Variants in QPRT observed in about 807,000 individuals in gnomAD.
The protein encoded by QPRT is nicotinate-nucleotide pyrophosphorylase [carboxylating].
In QPRT, 17 loss-of-function variants were observed where a neutral mutation model predicts 19.8. That is an observed-to-expected ratio of 0.86 (90% CI 0.59 to 1.29). QPRT has a LOEUF of 1.29. Among genes scored for constraint, QPRT ranks in the 50% most tolerant of loss-of-function variants. The pLI is 0.00. For missense variants in QPRT, 336 were observed against 405.1 expected (o/e 0.83, Z 1.46); for synonymous variants, 178 against 191.0 (o/e 0.93, Z 0.56).
At position 29,697,262 on chromosome 16, in the gene QPRT, G is replaced by T; in HGVS notation, c.745G>T (p.Gly249Trp). ...CCCGAGTGTGGCTGTGGAAGCCAGT[G>T]GGGGCATCACCCTGGACAACCTCCC... ...QFPSVAVEAS[G>W]GITLDNLPQF... Residue 249 changes from glycine to tryptophan, a missense_variant, in exon 4 of 4, where the codon GGG becomes TGG. Gly to Trp is a radical substitution (Grantham distance 184). Coordinates refer to ENST00000395384, the MANE Select transcript of QPRT (RefSeq NM_014298.6). This position sits in a 1 kb window ranked among gnomAD's most constrained non-coding sequence, Gnocchi z 4.4. 1 of 1,614,030 alleles carries T rather than the reference G, an allele frequency of 6.2e-7. No individual in the cohort carries two copies. The highest frequency in any genetic ancestry group is 8.5e-7 in the Non-Finnish European group (1 of 1,179,970).
rs557246365 is a variant in QPRT, at chr16:29,694,626, G to A, written c.14-38G>A. 14 of 1,508,824 alleles carry A rather than the reference G, an allele frequency of 9.3e-6. No individual in the cohort carries two copies. The East Asian group carries it at 1.8e-4, about 20-fold the overall frequency. The allele number at this position is 1,508,824 out of a possible 1,614,324, so 93.5% of individuals were successfully genotyped here. A position where few individuals can be genotyped will look rare whatever the true frequency, so the allele number is the denominator to read the frequency against. ...GACAGTGACCCCTGACAGCAGGAGA[G>A]GCAGCCAAACTCAACAGCTGTTCTC... On this transcript the variant is annotated intron_variant, in intron 1 of 3. Coordinates refer to ENST00000395384, the MANE Select transcript of QPRT (RefSeq NM_014298.6).
chr16:29,680,797 CGA>C (rs1054439307), intron 1 of QPRT, among the ~76,000 whole-genome samples: 1 of 152,012 alleles, frequency 6.6e-6, no homozygotes, highest in African/African-American at 2.4e-5. Context: ...AAAAATTAGC[CGA>C]GTGTGGTGGT....
At position 29,697,322 on chromosome 16, in the gene QPRT, A is replaced by G. The variant is rs748865404; in HGVS notation, c.805A>G (p.Met269Val). 2.5e-6 allele frequency: 4 copies of G among 1,614,120 alleles called. No individual in the cohort carries two copies. Among genetic ancestry groups the G allele is most frequent in the African/African-American group, 1.3e-5 (1 of 75,050 alleles). The change falls in exon 4 of 4, where the codon ATG becomes GTG. Residue 269 changes from methionine to valine, a missense_variant. Physicochemically the swap from Met to Val is conservative, Grantham distance 21. Coordinates refer to ENST00000395384, the MANE Select transcript of QPRT (RefSeq NM_014298.6). The surrounding 1 kb of genome is among the most constrained non-coding windows in gnomAD (Gnocchi z 4.4). ...FCGPHIDVIS[M>V]GMLTQAAPAL... ...CGGGCCGCACATAGACGTCATCTCC[A>G]TGGGGATGCTGACCCAGGCGGCCCC...
At chr16:29,691,193 T>C (rs1441729961) in intron 1 of QPRT, among the ~76,000 whole-genome samples, 2 of 150,376 alleles carry the variant, frequency 1.3e-5, no homozygotes, top group African/African-American at 2.4e-5. Context: ...GGCAAAACCC[T>C]GTCTCTACTA....
At position 29,688,399 on chromosome 16, in the gene QPRT, G is replaced by A. The variant is rs143379972; in HGVS notation, c.14-6265G>A. ...AGCAGTATTCTTGCTAAAATTGGAC[G>A]ATGCAGAGGTGAACACGGAAGTCCA... On this transcript the variant is annotated intron_variant, in intron 1 of 3. Coordinates refer to ENST00000395384, the MANE Select transcript of QPRT (RefSeq NM_014298.6). 3.2e-4 allele frequency among the ~76,000 whole-genome samples: 48 copies of A among 152,226 alleles called. 1 individual carries two copies. Among genetic ancestry groups the A allele is most frequent in the African/African-American group, 1.1e-3 (45 of 41,540 alleles).
chr16:29,686,669 T>G (rs1257794597), intron 1 of QPRT, among the ~76,000 whole-genome samples: 1 of 152,010 alleles, frequency 6.6e-6, no homozygotes, highest in Non-Finnish European at 1.5e-5. Context: ...TTAATTTTTT[T>G]TATTTTTTGT....
At chr16:29,687,148 A>C (rs974350867) in intron 1 of QPRT, among the ~76,000 whole-genome samples, 7 of 152,028 alleles carry the variant, frequency 4.6e-5, no homozygotes, top group Non-Finnish European at 8.8e-5. Flanking sequence ...GGGGCCTCAC[A>C]GACACGCCCG....
chr16:29,690,003 G>GTCT (rs1189388244), intron 1 of QPRT, among the ~76,000 whole-genome samples: 6 of 152,228 alleles, frequency 3.9e-5, no homozygotes, highest in African/African-American at 1.4e-4. Context: ...TCCACAGCTC[G>GTCT]TCTTGCTACA....
chr16:29,684,555 A>C (rs568552864), intron 1 of QPRT, among the ~76,000 whole-genome samples: 11 of 151,992 alleles, frequency 7.2e-5, no homozygotes, highest in African/African-American at 2.7e-4. Flanking sequence ...CACCGTTTTC[A>C]CCAGGATGGT....
chr16:29,680,280 G>A (rs1164672978), intron 1 of QPRT, among the ~76,000 whole-genome samples: 1 of 152,106 alleles, frequency 6.6e-6, no homozygotes, highest in Admixed American at 6.6e-5. Context: ...TTAACTTATT[G>A]GGCTGCAGCT....
At chr16:29,696,883 C>T (rs1967552133) in intron 2 of QPRT, 113 bp from the exon 3 acceptor site, 10 of 1,280,414 alleles carry the variant, frequency 7.8e-6, no homozygotes, top group African/African-American at 3.0e-5. Context: ...CGGCTCCCCG[C>T]GCCCCAGCTG....
intron 1 of QPRT, among the ~76,000 whole-genome samples, chr16:29,689,922 A>T (rs1967276554): frequency 6.6e-6 from 1 of 152,030 alleles, no homozygotes; most frequent in Non-Finnish European, 1.5e-5. Flanking sequence ...GGATTTTAAG[A>T]CGCTAGCCTG....
chr16:29,689,352 C>T (rs1244117602), intron 1 of QPRT, among the ~76,000 whole-genome samples: 3 of 152,086 alleles, frequency 2.0e-5, no homozygotes, highest in Non-Finnish European at 4.4e-5. Context: ...ACCTTGGCCT[C>T]CCAAAGTGCT....
In QPRT at chr16:29,696,929, G is replaced by T. The variant is rs1403326867; in HGVS notation, c.550-67G>T. The T allele has an allele frequency of 4.0e-6, 6 of 1,501,824 alleles. No homozygotes were observed. The East Asian group carries it at 1.4e-4, about 35-fold the overall frequency. The allele number at this position is 1,501,824 out of a possible 1,614,324, so 93.0% of individuals were successfully genotyped here. ...CCCTATCGTCACCCTCGCCCTCCCG[G>T]CTCCCTGCGCCCCAGTGCCAGGTGC... On this transcript the variant is annotated intron_variant, in intron 2 of 3. Coordinates refer to ENST00000395384, the MANE Select transcript of QPRT (RefSeq NM_014298.6).
Position 29,694,806 on chromosome 16 carries a change from G to A in QPRT, c.156G>A (p.Gly52=). Residue 52 remains glycine (G), a synonymous_variant, in exon 2 of 4, where the codon GGG becomes GGA. Transcript: ENST00000395384. ...CGGCGCTGTGGGCCAAATCCCCTGGGGTACTGGCAGGGCAGCCTTTCTTCG... is the reference window on the plus strand; with the variant it reads ...CGGCGCTGTGGGCCAAATCCCCTGGAGTACTGGCAGGGCAGCCTTTCTTCG... ...SQAALWAKSP[G]VLAGQPFFDA... The A allele has an allele frequency of 1.2e-6, 2 of 1,614,066 alleles. No homozygotes were observed. Among genetic ancestry groups the A allele is most frequent in the African/African-American group, 1.3e-5 (1 of 75,054 alleles).
At chr16:29,683,681 T>A (rs1479787295) in intron 1 of QPRT, among the ~76,000 whole-genome samples, 1 of 152,148 alleles carries the variant, frequency 6.6e-6, no homozygotes, top group Non-Finnish European at 1.5e-5. Context: ...TTGATCCTCA[T>A]GTGCATCTGA....
chr16:29,689,955 G>A (rs1967277651), intron 1 of QPRT, among the ~76,000 whole-genome samples: 1 of 152,088 alleles, frequency 6.6e-6, no homozygotes, highest in South Asian at 2.1e-4. Flanking sequence ...GCTGATTAAA[G>A]CCACTCCCTT....
chr16:29,693,869 C>T (rs551071187), intron 1 of QPRT, among the ~76,000 whole-genome samples: 2 of 152,072 alleles, frequency 1.3e-5, no homozygotes, highest in Admixed American at 6.6e-5. Context: ...GGATTACAGG[C>T]GTGAGCCACC....
At chr16:29,691,108 T>A (rs1173962029) in intron 1 of QPRT, among the ~76,000 whole-genome samples, 1 of 150,824 alleles carries the variant, frequency 6.6e-6, no homozygotes, top group African/African-American at 2.4e-5. Flanking sequence ...CTCACGCCTG[T>A]AATCCCAGCA....
Sources: allele counts gnomAD v4.1 joint callset (sites outside exome capture counted in the v4.1 genomes callset), GRCh38; gene constraint gnomAD v4.1.1; non-coding constraint Gnocchi (gnomAD v3.1); transcripts MANE v1.5; gene names NCBI Gene and HGNC (gene_info 2026-07-23, HGNC 2026-07-21).